Variants in PPP1R21 observed in about 807,000 individuals in gnomAD.
PPP1R21 encodes protein phosphatase 1 regulatory subunit 21.
A neutral mutation model predicts 112.8 loss-of-function variants in PPP1R21; 85 were observed. The observed-to-expected ratio is 0.75, with a 90% CI of 0.63 to 0.90. The LOEUF (loss-of-function observed/expected upper bound fraction) is 0.90. PPP1R21 is among the 40% of genes least tolerant of loss of function. PPP1R21 has a pLI of 0.00. For synonymous variants in PPP1R21, 381 were observed against 322.3 expected, an observed-to-expected ratio of 1.18 and a Z score of -1.95; for missense variants, 1,199 against 901.5, an observed-to-expected ratio of 1.33 and a Z score of -4.23.
rs767309565 is a variant in PPP1R21 at position 48,498,651 on chromosome 2, G to A, written c.1851G>A (p.Gln617=). The A allele has an allele frequency of 6.2e-7, 1 of 1,614,266 alleles. No homozygotes were observed. The highest frequency in any genetic ancestry group is 8.5e-7 in the Non-Finnish European group (1 of 1,180,040). Reference sequence around the variant, plus strand: ...GTGCCCAGCTGGTTGGGCTGGCCCAGGAAAATGCTGCTGTGTCAAATACTG... The same window carrying A: ...GTGCCCAGCTGGTTGGGCTGGCCCAAGAAAATGCTGCTGTGTCAAATACTG... ...TGSAQLVGLA[Q]ENAAVSNTAG... Residue 617 remains glutamine (Q), a synonymous_variant, in exon 17 of 22, where the codon CAG becomes CAA. Transcript: ENST00000294952.
At chr2:48,457,008 C>T (rs973693690) in intron 3 of PPP1R21, among the ~76,000 whole-genome samples, 4 of 151,920 alleles carry the variant, frequency 2.6e-5, no homozygotes, top group Non-Finnish European at 4.4e-5. Context: ...GCCGAGATCA[C>T]ACCATTGCAC....
Position 48,498,481 on chromosome 2 carries a change from T to C in PPP1R21, c.1693-12T>C. On this transcript the variant is annotated splice_polypyrimidine_tract_variant and intron_variant, in intron 16 of 21. Coordinates refer to ENST00000294952, the MANE Select transcript of PPP1R21 (RefSeq NM_001135629.3). ...TTAGTCTCTAAGATACAACACTCTG[T>C]TACTTTTCAAGGTTCAACAGAGTTT... 6.2e-7 allele frequency: 1 copy of C among 1,613,776 alleles called. No homozygotes were observed. The highest frequency in any genetic ancestry group is 8.5e-7 in the Non-Finnish European group (1 of 1,179,802).
chr2:48,512,390 T>G (rs1055039126), intron 21 of PPP1R21, among the ~76,000 whole-genome samples: 1 of 151,924 alleles, frequency 6.6e-6, no homozygotes, highest in Non-Finnish European at 1.5e-5. Flanking sequence ...TTAGTCCATT[T>G]TCATAACTCA....
chr2:48,456,809 T>G (rs1375828118), intron 3 of PPP1R21, among the ~76,000 whole-genome samples: 1 of 152,118 alleles, frequency 6.6e-6, no homozygotes, highest in Non-Finnish European at 1.5e-5. Flanking sequence ...TCCCAGCACT[T>G]TGGGAGGCCG....
At chr2:48,469,964 T>C (rs1466437974) in intron 9 of PPP1R21, among the ~76,000 whole-genome samples, 1 of 152,160 alleles carries the variant, frequency 6.6e-6, no homozygotes, top group Non-Finnish European at 1.5e-5. Flanking sequence ...AGAGATTAAG[T>C]TACCCAGGGC....
chr2:48,441,185 A>T, intron 1 of PPP1R21, 175 bp downstream of exon 1: 1 of 625,016 alleles, frequency 1.6e-6, no homozygotes, highest in Non-Finnish European at 2.9e-6. Context: ...CTCCCAGGAG[A>T]TGGGGCCGGG....
intron 14 of PPP1R21, among the ~76,000 whole-genome samples, chr2:48,488,196 G>T (rs1449850892): frequency 6.6e-6 from 1 of 152,116 alleles, no homozygotes; most frequent in Non-Finnish European, 1.5e-5. Context: ...TCAGCTTACA[G>T]ATCTATGTGC....
intron 7 of PPP1R21, among the ~76,000 whole-genome samples, chr2:48,462,842 T>C (rs1201584176): frequency 6.6e-6 from 1 of 152,086 alleles, no homozygotes; most frequent in Non-Finnish European, 1.5e-5. Context: ...TCAAAGACTA[T>C]TGTGATGATA....
intron 20 of PPP1R21, 58 bp from the exon 21 acceptor site, chr2:48,511,282 G>C: frequency 3.3e-6 from 5 of 1,518,414 alleles, no homozygotes; most frequent in Non-Finnish European, 3.5e-6. Flanking sequence ...AATTAAAAAA[G>C]CTTCAGAGTG....
chr2:48,457,312 T>C (rs1463323330), intron 3 of PPP1R21, among the ~76,000 whole-genome samples: 4 of 152,222 alleles, frequency 2.6e-5, no homozygotes, highest in Non-Finnish European at 5.9e-5. Flanking sequence ...TTTCTTTTTA[T>C]ATGGCTACTC....
At chr2:48,464,791 G>A in intron 7 of PPP1R21, 146 bp from the exon 8 acceptor site, 2 of 551,230 alleles carry the variant, frequency 3.6e-6, no homozygotes, top group South Asian at 2.8e-5. Context: ...CTGATTCTAT[G>A]TAAATTCCAT....
intron 21 of PPP1R21, among the ~76,000 whole-genome samples, chr2:48,511,769 GC>G (rs1670655017): frequency 6.6e-6 from 1 of 151,956 alleles, no homozygotes; most frequent in Admixed American, 6.6e-5. Flanking sequence ...TAGTTGGGAG[GC>G]TGAGGTGGGA....
chr2:48,483,623 A>G (rs1305281343), intron 13 of PPP1R21, among the ~76,000 whole-genome samples: 2 of 152,218 alleles, frequency 1.3e-5, no homozygotes, highest in East Asian at 1.9e-4. Flanking sequence ...AGTAGTGCAC[A>G]TAGTATTTTA....
intron 1 of PPP1R21, 30 bp from the exon 2 acceptor site, chr2:48,450,978 G>T (rs915021563): frequency 2.5e-6 from 4 of 1,599,572 alleles, no homozygotes; most frequent in South Asian, 1.1e-5. Context: ...CTTTATATTA[G>T]AAATTGATTA....
At chr2:48,485,880 TG>T (rs1669263338) in intron 13 of PPP1R21, among the ~76,000 whole-genome samples, 2 of 1,802 alleles carry the variant, frequency 1.1e-3, no homozygotes, top group African/African-American at 6.0e-3. Flanking sequence ...TATATACAAT[TG>T]TATATACTAA....
chr2:48,505,615 C>A lies in PPP1R21; in HGVS notation c.1968+19C>A. ...CAGTGAGGTAACATGTGCTTGTCATCATGTTGTTTGTTAGTAAATATCTGG... is the reference window on the plus strand; with the variant it reads ...CAGTGAGGTAACATGTGCTTGTCATAATGTTGTTTGTTAGTAAATATCTGG... On this transcript the variant is annotated intron_variant, in intron 18 of 21. Coordinates refer to ENST00000294952, the MANE Select transcript of PPP1R21 (RefSeq NM_001135629.3). 1 of 1,543,334 alleles carries A rather than the reference C, an allele frequency of 6.5e-7. No individual in the cohort carries two copies. Among genetic ancestry groups the A allele is most frequent in the Non-Finnish European group, 8.8e-7 (1 of 1,138,888 alleles).
intron 7 of PPP1R21, 69 bp downstream of exon 7, chr2:48,461,301 G>C (rs748390142): frequency 7.0e-6 from 10 of 1,419,520 alleles, no homozygotes; most frequent in Non-Finnish European, 9.2e-6. Flanking sequence ...ACTAATTAAA[G>C]TAATTTTTAA....
intron 3 of PPP1R21, 196 bp from the exon 4 acceptor site, chr2:48,457,930 C>G (rs1471148280): frequency 1.8e-6 from 1 of 544,140 alleles, no homozygotes; most frequent in Non-Finnish European, 3.6e-6. Context: ...CTTTCCTGCT[C>G]CTTACAATAT....
At chr2:48,447,400 C>T (rs932408170) in intron 1 of PPP1R21, among the ~76,000 whole-genome samples, 1 of 152,166 alleles carries the variant, frequency 6.6e-6, no homozygotes, top group Non-Finnish European at 1.5e-5. Context: ...ACTCTTCCCC[C>T]ACTGAATGGA....
Sources: allele counts gnomAD v4.1 joint callset (sites outside exome capture counted in the v4.1 genomes callset), GRCh38; gene constraint gnomAD v4.1.1; transcripts MANE v1.5; gene names NCBI Gene and HGNC (gene_info 2026-07-23, HGNC 2026-07-21).